Variants in ZNF487 observed in about 807,000 individuals in gnomAD.
The protein encoded by ZNF487 is zinc finger protein 487, also known as KRAB domain only 1.
A neutral mutation model predicts 3.0 loss-of-function variants in ZNF487; 4 were observed. The observed-to-expected ratio is 1.35, with a 90% confidence interval of 0.66 to 3.08. The LOEUF (loss-of-function observed/expected upper bound fraction) is 3.08. ZNF487 is among the 30% of genes most tolerant of loss of function. The pLI is 0.01. For missense variants in ZNF487, 146 were observed against 98.7 expected (o/e 1.48, Z -2.03); for synonymous variants, 55 against 34.6 (o/e 1.59, Z -2.06).
At chr10:43,498,099 A>ATT in the ZNF487 span, among the ~76,000 whole-genome samples, 31 of 20,186 alleles carry the variant, frequency 1.5e-3, 2 homozygotes, top group South Asian at 3.4e-3. Flanking sequence ...ATATATATAT[A>ATT]TTTTTTTTTT....
In ZNF487 at chr10:43,483,068, C is replaced by T. The variant is rs761485047; in HGVS notation, c.*1146C>T. 9 of 458,094 alleles carry T rather than the reference C, an allele frequency of 2.0e-5. No individual in the cohort carries two copies. The highest frequency in any genetic ancestry group is 1.4e-4 in the South Asian group (9 of 64,698). The allele number at this position is 458,094 out of a possible 1,614,324, so 28.4% of individuals were successfully genotyped here. A position where few individuals can be genotyped will look rare whatever the true frequency, so the allele number is the denominator to read the frequency against. On this transcript the variant is annotated 3_prime_UTR_variant, in exon 4 of 4. Transcript: ENST00000437590. ...GTCAGAGAGACAACATAGAGGAAAC[C>T]CTTGTCAACATCCTGAAGGCTCAGA...
intron 3 of ZNF487, among the ~76,000 whole-genome samples, chr10:43,480,028 TTTCTTTCTTTCTTTCTTTTTC>T (rs1841281938): frequency 1.5e-5 from 1 of 65,170 alleles, no homozygotes; most frequent in South Asian, 5.0e-4. Flanking sequence ...TCTTTCTTTC[TTTCTTTCTTTCTTTCTTTTTC>T]TTTCTTTCTT....
downstream of ZNF487, among the ~76,000 whole-genome samples, chr10:43,487,929 C>CAAAAAA (rs76705594): frequency 2.5e-4 from 10 of 40,446 alleles, 1 homozygote; most frequent in African/African-American, 7.6e-4. Flanking sequence ...TACCAAAATA[C>CAAAAAA]AAAAAAAAAA....
At chr10:43,477,176 CT>C (rs370283281) in intron 3 of ZNF487, among the ~76,000 whole-genome samples, 4,211 of 147,572 alleles carry the variant, frequency 0.029, 94 homozygotes, top group South Asian at 0.043. Flanking sequence ...AAAATCCTTT[CT>C]TTTTTTTTTC....
chr10:43,522,732 C>CA, the ZNF487 span, among the ~76,000 whole-genome samples: 2 of 151,100 alleles, frequency 1.3e-5, no homozygotes, highest in Non-Finnish European at 2.9e-5. Flanking sequence ...GATTCTGTCT[C>CA]AAAAAACAAA....
chr10:43,480,355 A>C (rs995394220), intron 3 of ZNF487, among the ~76,000 whole-genome samples: 11 of 146,526 alleles, frequency 7.5e-5, no homozygotes, highest in Non-Finnish European at 1.4e-4. Flanking sequence ...ATCCACCCCC[A>C]TCAGCCTCCC....
At chr10:43,509,458 C>CATACAT in the ZNF487 span, among the ~76,000 whole-genome samples, 1 of 135,278 alleles carries the variant, frequency 7.4e-6, no homozygotes, top group Non-Finnish European at 1.5e-5. Context: ...ACTAATGGAA[C>CATACAT]ATATATATAT....
chr10:43,486,894 CA>C (rs1185358641), downstream of ZNF487, among the ~76,000 whole-genome samples: 1 of 152,128 alleles, frequency 6.6e-6, no homozygotes, highest in Non-Finnish European at 1.5e-5. Context: ...GGAAAAATTG[CA>C]AAGATTGAAG....
At chr10:43,467,962 A>C (rs1435104694) in intron 1 of ZNF487, among the ~76,000 whole-genome samples, 1 of 152,194 alleles carries the variant, frequency 6.6e-6, no homozygotes, top group African/African-American at 2.4e-5. Context: ...TTTACGATTC[A>C]TGGGAATAGG....
At chr10:43,467,085 G>A (rs1223962341) in intron 1 of ZNF487, among the ~76,000 whole-genome samples, 2 of 152,036 alleles carry the variant, frequency 1.3e-5, no homozygotes, top group Non-Finnish European at 2.9e-5. Flanking sequence ...ATGTTGACCA[G>A]GCTGGTCTTG....
At chr10:43,465,472 G>A (rs561507267) in intron 1 of ZNF487, among the ~76,000 whole-genome samples, 20 of 151,968 alleles carry the variant, frequency 1.3e-4, no homozygotes, top group African/African-American at 4.1e-4. Context: ...CTTCTCAGAC[G>A]GGGCGGCCGG....
At chr10:43,515,603 G>A in the ZNF487 span, among the ~76,000 whole-genome samples, 3 of 152,254 alleles carry the variant, frequency 2.0e-5, no homozygotes, top group East Asian at 1.9e-4. Flanking sequence ...GATACCTAGC[G>A]TGGCTGTGCA....
intron 1 of ZNF487, among the ~76,000 whole-genome samples, chr10:43,474,908 T>A (rs1028922899): frequency 1.1e-4 from 17 of 151,916 alleles, no homozygotes; most frequent in Admixed American, 2.6e-4. Context: ...ATCAATTTTT[T>A]AAAAAATATC....
the ZNF487 span, among the ~76,000 whole-genome samples, chr10:43,518,941 A>G: frequency 6.6e-6 from 1 of 152,328 alleles, no homozygotes; most frequent in East Asian, 1.9e-4. Flanking sequence ...CTTTCTCAAT[A>G]CAGCAAAAGC....
intron 1 of ZNF487, among the ~76,000 whole-genome samples, chr10:43,459,697 C>T (rs1840349309): frequency 6.6e-6 from 1 of 151,926 alleles, no homozygotes; most frequent in South Asian, 2.1e-4. Flanking sequence ...TGCAGGTGCA[C>T]AGCACAATGC....
chr10:43,455,011 CTTT>C (rs754096470), intron 1 of ZNF487, among the ~76,000 whole-genome samples: 4 of 128,492 alleles, frequency 3.1e-5, no homozygotes, highest in Non-Finnish European at 1.6e-5. Context: ...TTAGTTTGCA[CTTT>C]TTTTTTTTTT....
intron 1 of ZNF487, chr10:43,452,008 G>C (rs1041489891): frequency 2.0e-5 from 3 of 152,256 alleles, no homozygotes; most frequent in Non-Finnish European, 4.4e-5. Flanking sequence ...TGCATGATGA[G>C]AACAAGGACT....
At chr10:43,467,229 G>C (rs1329226695) in intron 1 of ZNF487, among the ~76,000 whole-genome samples, 1 of 151,316 alleles carries the variant, frequency 6.6e-6, no homozygotes, top group East Asian at 2.0e-4. Flanking sequence ...TTTTGAGACG[G>C]AGTCTTGCTG....
intron 1 of ZNF487, among the ~76,000 whole-genome samples, chr10:43,461,588 C>T (rs1237623964): frequency 6.6e-6 from 1 of 152,084 alleles, no homozygotes; most frequent in Non-Finnish European, 1.5e-5. Flanking sequence ...CCCAAAACAT[C>T]GGGATTACAG....
Sources: gnomAD v4.1 joint callset for allele counts (sites outside exome capture counted in the v4.1 genomes callset) on GRCh38, gnomAD v4.1.1 for gene constraint, MANE v1.5 for transcripts, NCBI Gene and HGNC (gene_info 2026-07-23, HGNC 2026-07-21) for gene names.